The following BANP variants were observed in gnomAD, a reference collection of about 807,000 sequenced individuals.
BANP encodes protein BANP.
In BANP, 11 loss-of-function variants were observed where a neutral mutation model predicts 68.1. The ratio of observed to expected loss-of-function variants is 0.16; its 90% CI spans 0.10 to 0.27. The LOEUF is 0.27. Among genes scored for constraint, BANP ranks in the 10% least tolerant of loss-of-function variants. The probability of loss-of-function intolerance (pLI) is 1.00; values close to 1 mark genes in which losing one functional copy is unlikely to be tolerated. For synonymous variants in BANP, 329 were observed against 303.2 expected (o/e 1.09, Z -0.88); for missense variants, 504 against 722.7 (o/e 0.70, Z 3.47).
chr16:88,035,251 C>A, intron 9 of BANP, 72 bp from the exon 10 acceptor site: 1 of 1,315,322 alleles, frequency 7.6e-7, no homozygotes, highest in Middle Eastern at 2.5e-4. Flanking sequence ...AACAAACATT[C>A]CGGAAGATGT....
At chr16:87,972,294 T>G (rs138072059) in intron 1 of BANP, among the ~76,000 whole-genome samples, 25 of 149,852 alleles carry the variant, frequency 1.7e-4, no homozygotes, top group Middle Eastern at 3.4e-3. Flanking sequence ...TGAAGTTACT[T>G]TTTCTTTTGT....
chr16:88,005,321 G>A (rs2070686874), intron 5 of BANP, among the ~76,000 whole-genome samples: 1 of 152,202 alleles, frequency 6.6e-6, no homozygotes, highest in African/African-American at 2.4e-5. Flanking sequence ...AAAGTGCAGA[G>A]TGCAGCGCCC....
rs2085418629 is a variant in BANP, at chr16:88,057,602, CGTT to C, written c.1312-7662_1312-7660del. Reference sequence around the variant, plus strand: ...AAATGCAGGCACTCTGACTGGCCCACGTTGTGTAAAATTGGAAGAATGTTCTTC... The same window carrying C: ...AAATGCAGGCACTCTGACTGGCCCACGTGTAAAATTGGAAGAATGTTCTTC... On this transcript the variant is annotated intron_variant, in intron 11 of 13. Transcript: ENST00000682872. The surrounding 1 kb of genome is among the most constrained non-coding windows in gnomAD (Gnocchi z 4.6). Among the ~76,000 whole-genome samples, 1 of 152,102 alleles carries C rather than the reference CGTT, an allele frequency of 6.6e-6. No individual in the cohort carries two copies. Among genetic ancestry groups the C allele is most frequent in the Non-Finnish European group, 1.5e-5 (1 of 68,024 alleles).
chr16:88,042,921 T>A (rs1490243990), intron 11 of BANP, among the ~76,000 whole-genome samples: 1 of 152,198 alleles, frequency 6.6e-6, no homozygotes, highest in Non-Finnish European at 1.5e-5. Context: ...TGTCTCAAAA[T>A]AAATGAAGTG....
At chr16:87,998,024 C>G (rs550321440) in intron 4 of BANP, among the ~76,000 whole-genome samples, 2 of 152,274 alleles carry the variant, frequency 1.3e-5, no homozygotes, top group African/African-American at 2.4e-5. Context: ...TGCTCTGGGT[C>G]GGGATTCTCA....
At chr16:88,030,430 C>T (rs922601698) in intron 8 of BANP, among the ~76,000 whole-genome samples, 4 of 152,226 alleles carry the variant, frequency 2.6e-5, no homozygotes, top group African/African-American at 9.6e-5. Flanking sequence ...CCAGGCTTGC[C>T]TTCCATGTGT....
intron 11 of BANP, among the ~76,000 whole-genome samples, chr16:88,060,884 A>G (rs963920331): frequency 2.2e-5 from 1 of 44,672 alleles, no homozygotes; most frequent in African/African-American, 9.1e-5. Context: ...CTCACCATCC[A>G]GAAGCCAGAG....
At chr16:87,989,757 A>G (rs113289773) in intron 4 of BANP, among the ~76,000 whole-genome samples, 72 of 67,280 alleles carry the variant, frequency 1.1e-3, no homozygotes, top group Middle Eastern at 0.013. Context: ...AGGACACAGG[A>G]CACAGGGCGG....
intron 4 of BANP, among the ~76,000 whole-genome samples, chr16:87,989,446 G>A (rs916647162): frequency 1.3e-5 from 2 of 152,238 alleles, no homozygotes; most frequent in Non-Finnish European, 2.9e-5. Context: ...CGTTTATATA[G>A]GTAAATGTTA....
At chr16:87,982,780 C>T (rs1000459899) in intron 3 of BANP, 4 of 152,188 alleles carry the variant, frequency 2.6e-5, no homozygotes, top group Non-Finnish European at 5.9e-5. Context: ...GATTTTCCCT[C>T]CTGCAGGGCT....
At chr16:88,038,238 G>A (rs992750577) in intron 11 of BANP, among the ~76,000 whole-genome samples, 3 of 152,202 alleles carry the variant, frequency 2.0e-5, no homozygotes, top group African/African-American at 7.2e-5. Flanking sequence ...TCAGGTGAGT[G>A]CCACAGTCCC....
intron 6 of BANP, among the ~76,000 whole-genome samples, chr16:88,009,264 G>T (rs2152572888): frequency 6.6e-6 from 1 of 152,304 alleles, no homozygotes; most frequent in Non-Finnish European, 1.5e-5. Context: ...GAAAGCATTA[G>T]GAATATGGGA....
intron 1 of BANP, among the ~76,000 whole-genome samples, chr16:87,969,543 T>G (rs2060730407): frequency 6.6e-6 from 1 of 151,704 alleles, no homozygotes; most frequent in Admixed American, 6.6e-5. Context: ...ACTTTTTTTT[T>G]TTTTTTTGAG....
At chr16:88,016,385 G>A (rs2074561590) in intron 6 of BANP, among the ~76,000 whole-genome samples, 1 of 152,196 alleles carries the variant, frequency 6.6e-6, no homozygotes, top group Non-Finnish European at 1.5e-5. Context: ...TAGCCATGGT[G>A]TGACCAGCAT....
intron 12 of BANP, among the ~76,000 whole-genome samples, chr16:88,069,096 C>T (rs1415947288): frequency 4.6e-5 from 7 of 152,196 alleles, no homozygotes; most frequent in Admixed American, 4.6e-4. Context: ...TGAAACAGTC[C>T]AGAAGCCTCA....
At chr16:87,966,056 T>C (rs985372901) in intron 1 of BANP, among the ~76,000 whole-genome samples, 2 of 152,248 alleles carry the variant, frequency 1.3e-5, no homozygotes, top group Admixed American at 6.5e-5. Context: ...ATTGGGATCA[T>C]ATCATCCGCA....
chr16:87,974,652 G>T (rs2061693424), intron 1 of BANP, among the ~76,000 whole-genome samples: 1 of 152,156 alleles, frequency 6.6e-6, no homozygotes. Flanking sequence ...GGTGTGGTGA[G>T]TGTAGCAGGG....
intron 7 of BANP, among the ~76,000 whole-genome samples, chr16:88,020,037 G>A (rs1017723823): frequency 1.4e-4 from 22 of 152,332 alleles, no homozygotes; most frequent in Admixed American, 1.4e-3. Context: ...GCCCATCCTG[G>A]ACCCTGAGGG....
Position 88,027,671 on chromosome 16 carries a change from G to A in BANP, c.1063+21G>A, listed in dbSNP as rs1338822870. 5.6e-6 allele frequency: 9 copies of A among 1,611,740 alleles called. No homozygotes were observed. In the Admixed American group the frequency reaches 1.5e-4, roughly 27 times the overall value. ...TTCAGGTAGGCCTCGTGCTGCAGGAGAGGCCGCCCTCCCCCGCTCGGGGCA... is the reference window on the plus strand; with the variant it reads ...TTCAGGTAGGCCTCGTGCTGCAGGAAAGGCCGCCCTCCCCCGCTCGGGGCA... On this transcript the variant is annotated intron_variant, in intron 8 of 13. Coordinates refer to ENST00000682872, the MANE Select transcript of BANP (RefSeq NM_001386991.1).
Sources: gnomAD v4.1 joint callset for allele counts (sites outside exome capture counted in the v4.1 genomes callset) on GRCh38, gnomAD v4.1.1 for gene constraint, Gnocchi (gnomAD v3.1) non-coding constraint, MANE v1.5 for transcripts, NCBI Gene and HGNC (gene_info 2026-07-23, HGNC 2026-07-21) for gene names.